Variants in DLG1 observed in about 807,000 individuals in gnomAD.
The protein encoded by DLG1 is discs large MAGUK scaffold protein 1.
In DLG1, 42 loss-of-function variants were observed where a neutral mutation model predicts 123.4. That is an observed-to-expected ratio of 0.34 (90% confidence interval 0.27 to 0.44). DLG1 has a LOEUF of 0.44. DLG1 is among the 20% of genes least tolerant of loss of function. The pLI is 1.00. For missense variants in DLG1, 942 were observed against 1,082.6 expected (o/e 0.87, Z 1.82); for synonymous variants, 317 against 356.2 (o/e 0.89, Z 1.24).
intron 5 of DLG1, among the ~76,000 whole-genome samples, chr3:197,151,388 TACCA>T (rs1793778686): frequency 6.6e-6 from 1 of 152,210 alleles, no homozygotes; most frequent in Admixed American, 6.5e-5. Context: ...TGTTTATCAG[TACCA>T]ACTCATCATC....
At chr3:197,070,551 C>G (rs932337477) in intron 18 of DLG1, 6 of 109,334 alleles carry the variant, frequency 5.5e-5, no homozygotes, top group African/African-American at 1.7e-4. Flanking sequence ...TCACCACACC[C>G]AGCTGGAAAT....
chr3:197,286,046 G>C (rs1057454297), intron 3 of DLG1, among the ~76,000 whole-genome samples: 1 of 152,148 alleles, frequency 6.6e-6, no homozygotes, highest in Non-Finnish European at 1.5e-5. Flanking sequence ...GTCATAAAAA[G>C]ATACGAGCTA....
intron 4 of DLG1, among the ~76,000 whole-genome samples, chr3:197,278,970 CTGTT>C (rs1425540427): frequency 6.6e-6 from 1 of 152,186 alleles, no homozygotes; most frequent in African/African-American, 2.4e-5. Flanking sequence ...AACCTAAATT[CTGTT>C]TAAGACAAAA....
chr3:197,096,553 G>C (rs904029362), intron 14 of DLG1, among the ~76,000 whole-genome samples: 1 of 152,146 alleles, frequency 6.6e-6, no homozygotes, highest in South Asian at 2.1e-4. Flanking sequence ...CTACATAATG[G>C]CTTTAGGACT....
At position 197,183,554 on chromosome 3, in the gene DLG1, T is replaced by C. The variant is rs1267598967; in HGVS notation, c.483+10871A>G. 7.1e-6 allele frequency: 11 copies of C among 1,542,486 alleles called. No individual in the cohort carries two copies. The African/African-American group carries it at 1.1e-4, about 15-fold the overall frequency. On this transcript the variant is annotated intron_variant, in intron 5 of 24. Transcript: ENST00000667157. The stretch of plus-strand genomic sequence containing the variant: ...GTAAACAGAAATAGATTGAAAATAA[T>C]TTCAACAAGTGGTATGTTACCTGGG...
chr3:197,221,541 A>G (rs1365877023), intron 4 of DLG1, among the ~76,000 whole-genome samples: 1 of 152,096 alleles, frequency 6.6e-6, no homozygotes, highest in African/African-American at 2.4e-5. Flanking sequence ...AAAAGGAAAA[A>G]AAAAAAAGAA....
At chr3:197,059,740 T>C (rs1578290414) in intron 23 of DLG1, 149 bp downstream of exon 23, 1 of 491,666 alleles carries the variant, frequency 2.0e-6, no homozygotes, top group Non-Finnish European at 3.6e-6. Flanking sequence ...ATAGTGCTTA[T>C]TTAATCCTCA....
chr3:197,078,145 C>CA (rs34391299), intron 17 of DLG1, among the ~76,000 whole-genome samples: 2,782 of 119,598 alleles, frequency 0.023, 77 homozygotes, highest in African/African-American at 0.077. Context: ...AACCCCATCT[C>CA]AAAAAAAAAA....
intron 23 of DLG1, among the ~76,000 whole-genome samples, chr3:197,053,296 C>T (rs541166438): frequency 2.6e-5 from 4 of 152,190 alleles, no homozygotes; most frequent in Admixed American, 1.3e-4. Context: ...CAGCATTTCT[C>T]GTAAGGGAGG....
In DLG1 at chr3:197,066,800, G is replaced by A. The variant is rs777254224; in HGVS notation, c.2048-46C>T. On this transcript the variant is annotated intron_variant, in intron 19 of 24. Transcript: ENST00000667157. ...AGATGAAAAATGTGTAAAGATAATT[G>A]ATGCTAATCTAATTCTTCATAAACA... is the stretch of plus-strand genomic sequence containing the variant. 2.6e-5 allele frequency: 34 copies of A among 1,284,788 alleles called. No homozygotes were observed. The Admixed American group carries it at 5.9e-4, about 22-fold the overall frequency. 79.6% of individuals were successfully genotyped at this position (1,284,788 alleles called of 1,614,324 possible). A position where few individuals can be genotyped will look rare whatever the true frequency, so the allele number is the denominator to read the frequency against.
intron 4 of DLG1, among the ~76,000 whole-genome samples, chr3:197,270,737 C>A (rs1172544783): frequency 6.6e-6 from 1 of 152,086 alleles, no homozygotes; most frequent in Non-Finnish European, 1.5e-5. Context: ...CACCTTTACG[C>A]AATCCAACTC....
intron 4 of DLG1, among the ~76,000 whole-genome samples, chr3:197,214,188 T>TA (rs756112689): frequency 2.6e-4 from 39 of 151,042 alleles, no homozygotes; most frequent in Middle Eastern, 3.4e-3. Flanking sequence ...TGGCATAACT[T>TA]AAAAAAAAAT....
At chr3:197,297,891 C>G (rs529954525) in intron 1 of DLG1, 1 of 985,190 alleles carries the variant, frequency 1.0e-6, no homozygotes, top group Non-Finnish European at 1.2e-6. Context: ...CCACGTACCC[C>G]CGCCCCGCCC....
chr3:197,262,897 T>C (rs942641646), intron 4 of DLG1, among the ~76,000 whole-genome samples: 9 of 152,232 alleles, frequency 5.9e-5, no homozygotes, highest in Non-Finnish European at 1.0e-4. Context: ...AATGTCATCA[T>C]GGGCCAACAC....
At chr3:197,105,472 T>A (rs1407542363) in intron 13 of DLG1, among the ~76,000 whole-genome samples, 1 of 152,218 alleles carries the variant, frequency 6.6e-6, no homozygotes, top group African/African-American at 2.4e-5. Flanking sequence ...AAACTTCCAT[T>A]CTTTTGGTAT....
At chr3:197,187,359 T>G (rs1481273494) in intron 5 of DLG1, among the ~76,000 whole-genome samples, 2 of 152,234 alleles carry the variant, frequency 1.3e-5, no homozygotes, top group Non-Finnish European at 2.9e-5. Context: ...TTTGCTTGTG[T>G]CCATTTTTCT....
chr3:197,153,535 T>C (rs1277227034), intron 5 of DLG1, among the ~76,000 whole-genome samples: 1 of 152,184 alleles, frequency 6.6e-6, no homozygotes, highest in Non-Finnish European at 1.5e-5. Flanking sequence ...CTGCTTCTCA[T>C]CACAAAGGTG....
chr3:197,285,832 T>C (rs1277074906), intron 3 of DLG1, among the ~76,000 whole-genome samples: 1 of 152,282 alleles, frequency 6.6e-6, no homozygotes, highest in East Asian at 1.9e-4. Flanking sequence ...TTAAAAACTA[T>C]ACATACTCAT....
chr3:197,188,642 C>A (rs922134438), intron 5 of DLG1, among the ~76,000 whole-genome samples: 6 of 152,134 alleles, frequency 3.9e-5, no homozygotes, highest in African/African-American at 1.4e-4. Flanking sequence ...AATAATAATT[C>A]ATATACTGAC....
Sources: allele counts gnomAD v4.1 joint callset (sites outside exome capture counted in the v4.1 genomes callset), GRCh38; gene constraint gnomAD v4.1.1; transcripts MANE v1.5; gene names NCBI Gene and HGNC (gene_info 2026-07-23, HGNC 2026-07-21).